Variants in ACBD4 observed in about 807,000 individuals in gnomAD.
ACBD4 encodes acyl-CoA binding domain containing 4.
A neutral mutation model predicts 46.0 loss-of-function variants in ACBD4; 41 were observed. The ratio of observed to expected loss-of-function variants is 0.89; its 90% CI spans 0.69 to 1.16. The LOEUF is 1.16. Ranked by LOEUF, ACBD4 falls within the 50% of genes most tolerant of loss-of-function variation. The pLI is 0.00. For synonymous variants in ACBD4, 162 were observed against 155.9 expected, an observed-to-expected ratio of 1.04 and a Z score of -0.29; for missense variants, 393 against 399.5, an observed-to-expected ratio of 0.98 and a Z score of 0.14.
chr17:45,137,558 C>T (rs2054939168), intron 6 of ACBD4, 104 bp downstream of exon 6: 1 of 1,428,646 alleles, frequency 7.0e-7, no homozygotes, highest in Non-Finnish European at 9.8e-7. Context: ...CTGAGACTTC[C>T]TGTGCTCCCA....
intron 9 of ACBD4, 102 bp from the exon 10 acceptor site, chr17:45,143,340 AG>A: frequency 9.8e-7 from 1 of 1,018,252 alleles, no homozygotes; most frequent in Non-Finnish European, 1.4e-6. Context: ...GTGCAGACTT[AG>A]GGGCAGGGTC....
chr17:45,132,340 G>T (rs762789789), upstream of ACBD4: 8 of 1,233,812 alleles, frequency 6.5e-6, no homozygotes, highest in African/African-American at 7.8e-5. The surrounding 1 kb of genome is among the most constrained non-coding windows in gnomAD (Gnocchi z 4.6). Flanking sequence ...CGCGACTTGG[G>T]CTGCGACCTG....
chr17:45,136,453 G>T (rs1270615925), intron 2 of ACBD4, 47 bp from the exon 3 acceptor site: 6 of 1,586,440 alleles, frequency 3.8e-6, no homozygotes, highest in Admixed American at 3.5e-5. Flanking sequence ...TCCGCCCCTT[G>T]GAGCTGGGAG....
intron 9 of ACBD4, among the ~76,000 whole-genome samples, chr17:45,141,457 G>T (rs563069789): frequency 2.0e-5 from 3 of 152,334 alleles, no homozygotes; most frequent in African/African-American, 7.2e-5. Context: ...GGAGGCTGAG[G>T]CAGGCAGATC....
chr17:45,139,192 TG>T, intron 9 of ACBD4, 32 bp downstream of exon 9: 1 of 1,610,858 alleles, frequency 6.2e-7, no homozygotes, highest in South Asian at 1.1e-5. Flanking sequence ...GACAAGATGA[TG>T]GCAGAATCCG....
At chr17:45,142,120 C>T (rs924919547) in intron 9 of ACBD4, among the ~76,000 whole-genome samples, 2 of 151,738 alleles carry the variant, frequency 1.3e-5, no homozygotes, top group South Asian at 2.1e-4. Context: ...AGGCTGGGTA[C>T]GGTGGCTCAC....
chr17:45,133,506 G>C (rs553076461), upstream of ACBD4, among the ~76,000 whole-genome samples: 1 of 149,636 alleles, frequency 6.7e-6, no homozygotes, highest in East Asian at 1.9e-4. Flanking sequence ...CGCCACTCTG[G>C]GGTCCTGAAT....
upstream of ACBD4, chr17:45,135,224 C>T (rs1352142224): frequency 2.0e-5 from 3 of 152,286 alleles, no homozygotes; most frequent in African/African-American, 7.2e-5. Flanking sequence ...CCTTGGCCTC[C>T]CAAAGTTCTG....
rs1160720880 is a variant in ACBD4, at chr17:45,136,587, C to T, written c.176C>T (p.Pro59Leu). ...ATGGGGCCCTGCCTGGTCCCCCGGC[C>T]CGGGTTCTGGGACCCCATTGGACGA... is the stretch of plus-strand genomic sequence containing the variant. ...ATMGPCLVPR[P>L]GFWDPIGRYK... The change falls in exon 3 of 10, where the codon CCC (proline) becomes CTC (leucine). Residue 59 changes from proline to leucine, a missense_variant. Physicochemically the swap from Pro to Leu is moderately conservative, Grantham distance 98. Around this residue, in one of 3 missense-constraint regions of ACBD4, gnomAD observed 24 missense variants for 47.4 expected, o/e 0.51. Coordinates refer to ENST00000321854, the MANE Select transcript of ACBD4 (RefSeq NM_001135705.3). 1.9e-6 allele frequency: 3 copies of T among 1,614,012 alleles called. No homozygotes were observed. The highest frequency in any genetic ancestry group is 2.2e-5 in the East Asian group (1 of 44,892).
chr17:45,136,885 C>T (rs2054878799), intron 4 of ACBD4, 109 bp downstream of exon 4: 1 of 1,577,418 alleles, frequency 6.3e-7, no homozygotes. Context: ...TGGGAATCAC[C>T]ACCTTCATGT....
chr17:45,133,742 G>A (rs987982740), upstream of ACBD4, among the ~76,000 whole-genome samples: 2 of 151,086 alleles, frequency 1.3e-5, no homozygotes, highest in Admixed American at 6.6e-5. Flanking sequence ...CGTTTTAGCC[G>A]GGATGGTCTC....
rs2054924111 is a variant in ACBD4, at chr17:45,137,365, C to T, written c.416-3C>T. On this transcript the variant is annotated splice_region_variant and splice_polypyrimidine_tract_variant and intron_variant, in intron 5 of 9. Transcript: ENST00000321854. ...CCCACCTCTGGGTGCTGTGTCTTGGCAGGTTGGAAAGAGCAGGTTGTGAAT... is the reference window on the plus strand; with the variant it reads ...CCCACCTCTGGGTGCTGTGTCTTGGTAGGTTGGAAAGAGCAGGTTGTGAAT... 1 of 1,613,946 alleles carries T rather than the reference C, an allele frequency of 6.2e-7. No individual in the cohort carries two copies. The highest frequency in any genetic ancestry group is 1.7e-5 in the Admixed American group (1 of 59,992).
chr17:45,136,400 C>T (rs1437577771), intron 2 of ACBD4, 100 bp from the exon 3 acceptor site: 5 of 1,458,556 alleles, frequency 3.4e-6, no homozygotes, highest in Non-Finnish European at 4.7e-6. Flanking sequence ...TGGGTGGGAC[C>T]CATCACCACC....
upstream of ACBD4, among the ~76,000 whole-genome samples, chr17:45,134,774 C>CA (rs2054696762): frequency 3.3e-5 from 5 of 151,038 alleles, no homozygotes; most frequent in African/African-American, 9.7e-5. Context: ...GACTCCGTCT[C>CA]AAAAAAATAA....
upstream of ACBD4, chr17:45,132,143 G>T: frequency 8.7e-7 from 1 of 1,154,452 alleles, no homozygotes; most frequent in Non-Finnish European, 1.1e-6. This position sits in a 1 kb window ranked among gnomAD's most constrained non-coding sequence, Gnocchi z 4.6. Flanking sequence ...TAGCCTCCCA[G>T]CCCCGTGCAG....
At position 45,137,007 on chromosome 17, in the gene ACBD4, C is replaced by A; in HGVS notation, c.295-12C>A. 6.2e-7 allele frequency: 1 copy of A among 1,614,026 alleles called. No individual in the cohort carries two copies. The highest frequency in any genetic ancestry group is 2.2e-5 in the East Asian group (1 of 44,884). On this transcript the variant is annotated splice_polypyrimidine_tract_variant and intron_variant, in intron 4 of 9. Coordinates refer to ENST00000321854, the MANE Select transcript of ACBD4 (RefSeq NM_001135705.3). ...AGGCCACTCCGTCCCCAACAGACCCCCTCCCCTACAGGTGATCGACACAGT... is the reference window on the plus strand; with the variant it reads ...AGGCCACTCCGTCCCCAACAGACCCACTCCCCTACAGGTGATCGACACAGT...
chr17:45,139,248 TCA>T, intron 9 of ACBD4, 88 bp downstream of exon 9: 1 of 1,371,626 alleles, frequency 7.3e-7, no homozygotes, highest in East Asian at 2.3e-5. Context: ...GTTTTTGTCC[TCA>T]CGCCTCCACC....
Position 45,143,618 on chromosome 17 carries a change from G to A in ACBD4, c.*47G>A. Reference sequence around the variant, plus strand: ...CAGCCAACTGAGACTATCTTGCTGTGCCCTGAGCCTTCCTAGGGTTTAGAA... The same window carrying A: ...CAGCCAACTGAGACTATCTTGCTGTACCCTGAGCCTTCCTAGGGTTTAGAA... On this transcript the variant is annotated 3_prime_UTR_variant, in exon 10 of 10. Coordinates refer to ENST00000321854, the MANE Select transcript of ACBD4 (RefSeq NM_001135705.3). 6.2e-7 allele frequency: 1 copy of A among 1,613,830 alleles called. No homozygotes were observed. Among genetic ancestry groups the A allele is most frequent in the Non-Finnish European group, 8.5e-7 (1 of 1,179,944 alleles).
chr17:45,136,592 T>C lies in ACBD4; in HGVS notation c.181T>C (p.Phe61Leu). The change falls in exon 3 of 10, where the codon TTC becomes CTC. Residue 61 changes from phenylalanine (F) to leucine (L), a missense_variant. Coordinates refer to ENST00000321854, the MANE Select transcript of ACBD4 (RefSeq NM_001135705.3). ...MGPCLVPRPGFWDPIGRYKWD... is the reference protein window; with the variant it reads ...MGPCLVPRPGLWDPIGRYKWD... ...GCCCTGCCTGGTCCCCCGGCCCGGG[T>C]TCTGGGACCCCATTGGACGATATAA... 1 of 1,613,846 alleles carries C rather than the reference T, an allele frequency of 6.2e-7. No homozygotes were observed. The highest frequency in any genetic ancestry group is 8.5e-7 in the Non-Finnish European group (1 of 1,179,940).
Sources: gnomAD v4.1 joint callset for allele counts (sites outside exome capture counted in the v4.1 genomes callset) on GRCh38, gnomAD v4.1.1 for gene constraint, gnomAD v4.1.1 regional missense constraint, Gnocchi (gnomAD v3.1) non-coding constraint, MANE v1.5 for transcripts, NCBI Gene and HGNC (gene_info 2026-07-23, HGNC 2026-07-21) for gene names.